The following CARHSP1 variants were observed in gnomAD, a reference collection of about 807,000 sequenced individuals.
CARHSP1 encodes the protein calcium regulated heat stable protein 1, also known as calcium-regulated heat-stable protein 1.
In CARHSP1, 14 loss-of-function variants were observed where a neutral mutation model predicts 12.5. The observed-to-expected ratio is 1.12, with a 90% CI of 0.74 to 1.75. The LOEUF is 1.75. CARHSP1 is among the 40% of genes most tolerant of loss of function. The probability of loss-of-function intolerance (pLI) is 0.00; values close to 1 mark genes in which losing one functional copy is unlikely to be tolerated. For synonymous variants in CARHSP1, 161 were observed against 82.0 expected, an observed-to-expected ratio of 1.96 and a Z score of -5.20; for missense variants, 343 against 201.6, an observed-to-expected ratio of 1.70 and a Z score of -4.25.
intron 1 of CARHSP1, among the ~76,000 whole-genome samples, chr16:8,865,197 C>G (rs2061433826): frequency 6.6e-6 from 1 of 152,164 alleles, no homozygotes; most frequent in Non-Finnish European, 1.5e-5. Context: ...CAGACCCCCG[C>G]CCCCCAGGTT....
Position 8,858,475 on chromosome 16 carries a change from G to A in CARHSP1, c.159-3C>T. ...GGCCCTGTGAAGCCCGCACCGTCCT[G>A]ACAGAGAGGGGGAAATGTCAGGGGC... On this transcript the variant is annotated splice_region_variant and splice_polypyrimidine_tract_variant and intron_variant, in intron 2 of 3. Coordinates refer to ENST00000311052, the MANE Select transcript of CARHSP1 (RefSeq NM_014316.4). 1 of 1,613,192 alleles carries A rather than the reference G, an allele frequency of 6.2e-7. No homozygotes were observed. The highest frequency in any genetic ancestry group is 8.5e-7 in the Non-Finnish European group (1 of 1,179,894).
chr16:8,866,214 A>C (rs955521741), intron 1 of CARHSP1, among the ~76,000 whole-genome samples: 1 of 152,094 alleles, frequency 6.6e-6, no homozygotes, highest in Non-Finnish European at 1.5e-5. Flanking sequence ...CCGGCCTCCC[A>C]AAGTGCTGGG....
At position 8,855,247 on chromosome 16, in the gene CARHSP1, GCT is replaced by G; in HGVS notation, c.359_360del (p.Lys120ThrfsTer18). The G allele has an allele frequency of 1.2e-6, 2 of 1,613,384 alleles. No individual in the cohort carries two copies. The highest frequency in any genetic ancestry group is 1.7e-6 in the Non-Finnish European group (2 of 1,179,560). On this transcript the variant is annotated frameshift_variant, in exon 4 of 4. Transcript: ENST00000311052. LOFTEE classifies it high-confidence loss of function. ...GTGATGACGACCTCCACGGCCTGCA[GCT>G]TCTCATTCTTGGGTGGGATGGAGCA... ...KMCSIPPKNEKLQAVEVVITH... is the reference protein window; with the variant it reads ...KMCSIPPKNEXLQAVEVVITH...
chr16:8,859,079 A>G (rs1379304295), intron 2 of CARHSP1, 92 bp downstream of exon 2: 1 of 1,287,804 alleles, frequency 7.8e-7, no homozygotes, highest in African/African-American at 1.5e-5. Flanking sequence ...AGTCCGGGAC[A>G]TAGGCCCAAA....
intron 1 of CARHSP1, among the ~76,000 whole-genome samples, chr16:8,865,728 C>T (rs1269912311): frequency 2.0e-5 from 3 of 152,216 alleles, no homozygotes; most frequent in African/African-American, 4.8e-5. Context: ...CAGACTTCTG[C>T]GTCAGGCCCT....
At chr16:8,865,285 T>C (rs2141126968) in intron 1 of CARHSP1, among the ~76,000 whole-genome samples, 1 of 152,274 alleles carries the variant, frequency 6.6e-6, no homozygotes, top group South Asian at 2.1e-4. Flanking sequence ...AATTGTTGTA[T>C]TTTTAGTAGA....
intron 1 of CARHSP1, among the ~76,000 whole-genome samples, chr16:8,864,000 A>G (rs541521118): frequency 4.6e-5 from 7 of 151,966 alleles, no homozygotes; most frequent in Non-Finnish European, 8.8e-5. Flanking sequence ...TCAGCTCCCC[A>G]CAGCTGGGGG....
chr16:8,857,278 T>TTTTTTTTG (rs2061159777), intron 3 of CARHSP1, among the ~76,000 whole-genome samples: 3 of 116,736 alleles, frequency 2.6e-5, no homozygotes, highest in Non-Finnish European at 3.6e-5. Flanking sequence ...TTTTTTTTTT[T>TTTTTTTTG]TTTTTTTTTT....
At chr16:8,862,912 G>T (rs960046052) in intron 1 of CARHSP1, among the ~76,000 whole-genome samples, 1 of 151,914 alleles carries the variant, frequency 6.6e-6, no homozygotes, top group African/African-American at 2.4e-5. Context: ...ACCCAAAATG[G>T]GGGCCCCCTT....
Position 8,854,499 on chromosome 16 carries a change from G to A in CARHSP1, c.*665C>T, listed in dbSNP as rs2061034413. On this transcript the variant is annotated 3_prime_UTR_variant, in exon 4 of 4. Transcript: ENST00000311052. Reference sequence around the variant, plus strand: ...CCAGTACCAGCCTGCTGTGCCCAGGGGTGGGAGTGCTGGGAGAACTGTCTT... The same window carrying A: ...CCAGTACCAGCCTGCTGTGCCCAGGAGTGGGAGTGCTGGGAGAACTGTCTT... 1 of 152,662 alleles carries A rather than the reference G, an allele frequency of 6.6e-6. No homozygotes were observed. Among genetic ancestry groups the A allele is most frequent in the African/African-American group, 2.4e-5 (1 of 41,432 alleles). 9.5% of individuals were successfully genotyped at this position (152,662 alleles called of 1,614,324 possible).
chr16:8,860,907 G>T (rs988389625), intron 1 of CARHSP1, among the ~76,000 whole-genome samples: 3 of 151,434 alleles, frequency 2.0e-5, no homozygotes, highest in Non-Finnish European at 4.4e-5. Context: ...AAAATTAGCT[G>T]GGCGTGGTGG....
chr16:8,858,110 T>C (rs748332724), intron 3 of CARHSP1: 49 of 544,468 alleles, frequency 9.0e-5, no homozygotes, highest in Non-Finnish European at 1.5e-4. Flanking sequence ...CCAGGGACAA[T>C]CACAAGTACC....
chr16:8,866,672 G>A (rs1355711200), intron 1 of CARHSP1, among the ~76,000 whole-genome samples: 4 of 151,644 alleles, frequency 2.6e-5, no homozygotes, highest in African/African-American at 4.8e-5. Flanking sequence ...AGAGCGGGGG[G>A]TCTGGCGAGG....
Position 8,859,289 on chromosome 16 carries a change from G to GGGTGGGGGGCTGTGGT in CARHSP1, c.24_39dup (p.His14ThrfsTer20). 6.2e-7 allele frequency: 1 copy of GGGTGGGGGGCTGTGGT among 1,604,564 alleles called. No homozygotes were observed. Among genetic ancestry groups the GGGTGGGGGGCTGTGGT allele is most frequent in the East Asian group, 2.2e-5 (1 of 44,692 alleles). The stretch of plus-strand genomic sequence containing the variant: ...TCCAGCAGCCCGACTGAAGCTTGAT[G>GGGTGGGGGGCTGTGGT]GGTGGGGGGCTGTGGTGGTGGGGGA... On this transcript the variant is annotated frameshift_variant, in exon 2 of 4. Coordinates refer to ENST00000311052, the MANE Select transcript of CARHSP1 (RefSeq NM_014316.4). LOFTEE classifies it high-confidence loss of function.
At chr16:8,867,070 G>A (rs2061467002) in intron 1 of CARHSP1, among the ~76,000 whole-genome samples, 1 of 152,036 alleles carries the variant, frequency 6.6e-6, no homozygotes, top group Admixed American at 6.5e-5. Context: ...CACCCAGCAG[G>A]GAGACGGTCA....
chr16:8,858,181 A>AAC (rs111525602), intron 3 of CARHSP1, 169 bp downstream of exon 3: 597 of 779,866 alleles, frequency 7.7e-4, no homozygotes, highest in Non-Finnish European at 1.1e-3. Context: ...ACCCCAACCC[A>AAC]ACACACACAC....
In CARHSP1 at chr16:8,854,685, A is replaced by C. The variant is rs1375184340; in HGVS notation, c.*479T>G. On this transcript the variant is annotated 3_prime_UTR_variant, in exon 4 of 4. Transcript: ENST00000311052. ...TAGAAAACTGCTTTGCCCAGGCCCC[A>C]GGAGAGGCGCAAGGGGCACTTAGGT... The C allele has an allele frequency of 6.6e-6, 1 of 152,176 alleles. No homozygotes were observed. Among genetic ancestry groups the C allele is most frequent in the Non-Finnish European group, 1.5e-5 (1 of 68,196 alleles). 9.4% of individuals were successfully genotyped at this position (152,176 alleles called of 1,614,324 possible). A position where few individuals can be genotyped will look rare whatever the true frequency, so the allele number is the denominator to read the frequency against.
chr16:8,859,402 G>C, intron 1 of CARHSP1, 67 bp from the exon 2 acceptor site: 1 of 1,391,470 alleles, frequency 7.2e-7, no homozygotes, highest in African/African-American at 1.4e-5. Context: ...TTACCCCCAT[G>C]TCCACGTCTG....
At chr16:8,864,977 CCCTCCTGG>C (rs2061430658) in intron 1 of CARHSP1, among the ~76,000 whole-genome samples, 1 of 152,212 alleles carries the variant, frequency 6.6e-6, no homozygotes, top group Non-Finnish European at 1.5e-5. Context: ...CAACTTCCTG[CCCTCCTGG>C]CCTGAAAACC....
Sources: gnomAD v4.1 joint callset for allele counts (sites outside exome capture counted in the v4.1 genomes callset) on GRCh38, gnomAD v4.1.1 for gene constraint, MANE v1.5 for transcripts, NCBI Gene and HGNC (gene_info 2026-07-23, HGNC 2026-07-21) for gene names.